Variants in BCAS3 observed in about 807,000 individuals in gnomAD.
BCAS3 encodes the protein BCAS3 microtubule associated cell migration factor.
BCAS3 carries 53 observed loss-of-function variants against 116.1 expected under a neutral mutation model. The observed-to-expected ratio is 0.46, with a 90% CI of 0.37 to 0.57. BCAS3 has a LOEUF of 0.57. Among genes scored for constraint, BCAS3 ranks in the 20% least tolerant of loss-of-function variants. BCAS3 has a pLI of 0.00. For missense variants in BCAS3, 917 were observed against 1,165.4 expected, an observed-to-expected ratio of 0.79 and a Z score of 3.10; for synonymous variants, 391 against 408.2, an observed-to-expected ratio of 0.96 and a Z score of 0.51.
chr17:60,860,404 T>C (rs2054055718), intron 7 of BCAS3, among the ~76,000 whole-genome samples: 1 of 152,218 alleles, frequency 6.6e-6, no homozygotes, highest in Non-Finnish European at 1.5e-5. Context: ...AGATGCATAG[T>C]TCACAAATAT....
Position 61,392,281 on chromosome 17 carries a change from A to G in BCAS3, c.*156A>G, listed in dbSNP as rs2060173852. On this transcript the variant is annotated 3_prime_UTR_variant, in exon 24 of 24. Transcript: ENST00000407086. The surrounding 1 kb of genome is among the most constrained non-coding windows in gnomAD (Gnocchi z 6.4). ...GCCGCCCATCCTACCTGGATGGAGA[A>G]GAGACCCTTCTCCAAGCACCTCAGC... is the stretch of plus-strand genomic sequence containing the variant. 1.1e-6 allele frequency: 1 copy of G among 896,126 alleles called. No homozygotes were observed. The highest frequency in any genetic ancestry group is 2.9e-5 in the Admixed American group (1 of 34,396). The allele number at this position is 896,126 out of a possible 1,614,324, so 55.5% of individuals were successfully genotyped here. A position where few individuals can be genotyped will look rare whatever the true frequency, so the allele number is the denominator to read the frequency against.
chr17:61,212,699 G>A (rs1479254841), intron 22 of BCAS3, among the ~76,000 whole-genome samples: 1 of 152,168 alleles, frequency 6.6e-6, no homozygotes, highest in Non-Finnish European at 1.5e-5. Context: ...TTTAGGCAGT[G>A]AGACTATGCT....
intron 10 of BCAS3, among the ~76,000 whole-genome samples, chr17:60,901,223 AAAAG>A (rs1428757402): frequency 6.6e-6 from 1 of 152,078 alleles, no homozygotes; most frequent in Admixed American, 6.6e-5. Context: ...AAAAAAAAAA[AAAAG>A]AAAGGTAAGA....
In BCAS3 at chr17:61,239,555, ATTAAT is replaced by A; in HGVS notation, c.2426-128771_2426-128767del. Among the ~76,000 whole-genome samples the A allele has an allele frequency of 6.6e-6, 1 of 152,318 alleles. No individual in the cohort carries two copies. Among genetic ancestry groups the A allele is most frequent in the Non-Finnish European group, 1.5e-5 (1 of 68,026 alleles). ...TTTGCATTTTATCAGTGGCTCCAAG[ATTAAT>A]ATAAAAAGAGAACTTCATTTACTCT... is the stretch of plus-strand genomic sequence containing the variant. On this transcript the variant is annotated intron_variant, in intron 22 of 23. Coordinates refer to ENST00000407086, the MANE Select transcript of BCAS3 (RefSeq NM_017679.5). The surrounding 1 kb of genome is among the most constrained non-coding windows in gnomAD (Gnocchi z 4.2).
intron 4 of BCAS3, among the ~76,000 whole-genome samples, chr17:60,696,824 C>T (rs1165047523): frequency 6.6e-6 from 1 of 152,116 alleles, no homozygotes; most frequent in Admixed American, 6.6e-5. Context: ...AGGATCTTTG[C>T]AAAGGGGACC....
rs1212912584 is a variant in BCAS3, at chr17:61,055,884, A to G, written c.2029+14992A>G. 3.3e-5 allele frequency among the ~76,000 whole-genome samples: 5 copies of G among 152,046 alleles called. No individual in the cohort carries two copies. In the South Asian group the frequency reaches 1.0e-3, roughly 32 times the overall value. ...TTCATCTCTGATTTTGCATTTCCTG[A>G]TAGAGAACTATAGAAAGCCTTGGAT... is the stretch of plus-strand genomic sequence containing the variant. On this transcript the variant is annotated intron_variant, in intron 19 of 23. Coordinates refer to ENST00000407086, the MANE Select transcript of BCAS3 (RefSeq NM_017679.5).
intron 13 of BCAS3, among the ~76,000 whole-genome samples, chr17:60,934,605 C>G (rs1233225896): frequency 6.6e-6 from 1 of 152,308 alleles, no homozygotes; most frequent in East Asian, 1.9e-4. Context: ...TACTTCTTGC[C>G]TGTCCCAGTA....
At chr17:61,038,560 A>T (rs1600673778) in intron 18 of BCAS3, among the ~76,000 whole-genome samples, 1 of 151,752 alleles carries the variant, frequency 6.6e-6, no homozygotes, top group Admixed American at 6.6e-5. Flanking sequence ...CCCAGTTTCT[A>T]GAATTTTATA....
At chr17:60,753,058 A>T (rs750643402) in intron 6 of BCAS3, among the ~76,000 whole-genome samples, 3 of 152,112 alleles carry the variant, frequency 2.0e-5, no homozygotes, top group African/African-American at 7.2e-5. Context: ...TGCCCAGGCT[A>T]GTCTTGAACC....
intron 6 of BCAS3, among the ~76,000 whole-genome samples, chr17:60,807,034 A>G (rs1320944917): frequency 6.6e-6 from 1 of 152,122 alleles, no homozygotes; most frequent in Non-Finnish European, 1.5e-5. Flanking sequence ...ATTACCTGTG[A>G]CATTTGCTGT....
At chr17:60,810,689 C>G (rs2048726077) in intron 7 of BCAS3, 1 of 667,062 alleles carries the variant, frequency 1.5e-6, no homozygotes, top group Admixed American at 1.9e-5. Flanking sequence ...CTGGCCATGC[C>G]CTAGTCTGTG....
At chr17:60,763,723 G>A (rs1018924084) in intron 6 of BCAS3, among the ~76,000 whole-genome samples, 39 of 152,268 alleles carry the variant, frequency 2.6e-4, no homozygotes, top group Admixed American at 8.5e-4. Context: ...AATGAGTTAG[G>A]GAGGGTTCCC....
In BCAS3 at chr17:61,217,449, GC is replaced by G; in HGVS notation, c.2425+132889del. ...GGAAGCATTTGGTAGGCATATAATG[GC>G]CCCACAATCGTTTTGGCTTAGTTTG... On this transcript the variant is annotated intron_variant, in intron 22 of 23. Coordinates refer to ENST00000407086, the MANE Select transcript of BCAS3 (RefSeq NM_017679.5). The surrounding 1 kb of genome is among the most constrained non-coding windows in gnomAD (Gnocchi z 5.2). Among the ~76,000 whole-genome samples, 3 of 152,184 alleles carry G rather than the reference GC, an allele frequency of 2.0e-5. No individual in the cohort carries two copies. In the South Asian group the frequency reaches 6.2e-4, roughly 32 times the overall value.
intron 22 of BCAS3, among the ~76,000 whole-genome samples, chr17:61,330,589 C>T (rs1028052902): frequency 1.3e-5 from 2 of 152,212 alleles, no homozygotes; most frequent in African/African-American, 4.8e-5. Flanking sequence ...GAAGCTGAGA[C>T]TCACATTCCC....
chr17:60,698,878 A>AT (rs2035997151), intron 4 of BCAS3, among the ~76,000 whole-genome samples: 1 of 152,180 alleles, frequency 6.6e-6, no homozygotes, highest in Non-Finnish European at 1.5e-5. Flanking sequence ...CAACATGGTG[A>AT]AACCCCATCT....
At chr17:60,931,667 G>A (rs1447969534) in intron 13 of BCAS3, among the ~76,000 whole-genome samples, 1 of 152,098 alleles carries the variant, frequency 6.6e-6, no homozygotes, top group African/African-American at 2.4e-5. Flanking sequence ...AAAATGTCAT[G>A]TTCCCCTTCC....
chr17:60,791,005 G>A (rs2046724363), intron 6 of BCAS3, among the ~76,000 whole-genome samples: 1 of 151,966 alleles, frequency 6.6e-6, no homozygotes, highest in East Asian at 1.9e-4. Context: ...ACCTCCCAAA[G>A]TGCTGGGATT....
chr17:60,680,974 T>C (rs1178217943), intron 2 of BCAS3, among the ~76,000 whole-genome samples: 1 of 152,116 alleles, frequency 6.6e-6, no homozygotes, highest in Non-Finnish European at 1.5e-5. Flanking sequence ...AAGGCTGACA[T>C]GGGAGGATTG....
rs1313333373 is a variant in BCAS3, at chr17:61,106,451, A to AT, written c.2425+21888dup. ...TGGGAGTAATAAAAGAGGTTATAGC[A>AT]TATAGCTTAGGTGTGTTGTAGGCTA... On this transcript the variant is annotated intron_variant, in intron 22 of 23. Transcript: ENST00000407086. This position sits in a 1 kb window ranked among gnomAD's most constrained non-coding sequence, Gnocchi z 4.2. Among the ~76,000 whole-genome samples, 2 of 152,232 alleles carry AT rather than the reference A, an allele frequency of 1.3e-5. No homozygotes were observed. Among genetic ancestry groups the AT allele is most frequent in the Non-Finnish European group, 2.9e-5 (2 of 68,040 alleles).
Sources: allele counts gnomAD v4.1 joint callset (sites outside exome capture counted in the v4.1 genomes callset), GRCh38; gene constraint gnomAD v4.1.1; non-coding constraint Gnocchi (gnomAD v3.1); transcripts MANE v1.5; gene names NCBI Gene and HGNC (gene_info 2026-07-23, HGNC 2026-07-21).